MZF1: variants seen among roughly 807,000 people sequenced by gnomAD.
MZF1 encodes myeloid zinc finger 1.
In MZF1, 24 loss-of-function variants were observed where a neutral mutation model predicts 28.6. The observed-to-expected ratio is 0.84, with a 90% CI of 0.61 to 1.18. MZF1 has a LOEUF of 1.18. MZF1 is among the 50% of genes most tolerant of loss of function. MZF1 has a pLI of 0.00. For synonymous variants in MZF1, 516 were observed against 432.5 expected (o/e 1.19, Z -2.40); for missense variants, 1,166 against 1,026.4 (o/e 1.14, Z -1.86).
Position 58,563,498 on chromosome 19 carries a change from G to T in MZF1, c.779C>A (p.Ala260Glu). Residue 260 changes from alanine to glutamate, a missense_variant, in exon 6 of 6, where the codon GCG (alanine) becomes GAG (glutamate). Transcript: ENST00000215057. Reference protein sequence around the residue: ...EAGGIFSPGFALQLGSISAGP... With the variant: ...EAGGIFSPGFELQLGSISAGP... ...TGCGGAGATGCTGCCTAGCTGCAGC[G>T]CGAACCCTGCATACACAAGGGGACC... 6.5e-7 allele frequency: 1 copy of T among 1,541,016 alleles called. No individual in the cohort carries two copies. Among genetic ancestry groups the T allele is most frequent in the Non-Finnish European group, 8.8e-7 (1 of 1,139,836 alleles).
intron 3 of MZF1, 43 bp from the exon 4 acceptor site, chr19:58,569,629 A>T (rs990476509): frequency 6.7e-7 from 1 of 1,490,718 alleles, no homozygotes; most frequent in African/African-American, 1.4e-5. Context: ...GTGAGTTTCC[A>T]CCCCACTGCC....
At chr19:58,567,662 T>C (rs955446048) in intron 5 of MZF1, among the ~76,000 whole-genome samples, 1 of 152,204 alleles carries the variant, frequency 6.6e-6, no homozygotes, top group Non-Finnish European at 1.5e-5. Context: ...CTTGCTCACA[T>C]ACCCTAAGAA....
Position 58,562,154 on chromosome 19 carries a change from G to A in MZF1, c.2123C>T (p.Pro708Leu). 6.3e-7 allele frequency: 1 copy of A among 1,593,080 alleles called. No homozygotes were observed. Among genetic ancestry groups the A allele is most frequent in the Non-Finnish European group, 8.5e-7 (1 of 1,172,980 alleles). ...QHLRTHRREK[P>L]FACQDCGRRF... ...GCGGCCACAGTCCTGGCAGGCGAAG[G>A]GCTTCTCTCGTCGGTGGGTGCGCAG... is the stretch of plus-strand genomic sequence containing the variant. The change falls in exon 6 of 6, where the codon CCC (proline) becomes CTC (leucine). Residue 708 changes from proline to leucine, a missense_variant. By Grantham distance (98) the Pro-to-Leu change is moderately conservative (BLOSUM62 -3). Coordinates refer to ENST00000215057, the MANE Select transcript of MZF1 (RefSeq NM_198055.2).
In MZF1 at chr19:58,562,737, C is replaced by G. The variant is rs150590904; in HGVS notation, c.1540G>C (p.Gly514Arg). 534 of 1,536,222 alleles carry G rather than the reference C, an allele frequency of 3.5e-4. No individual in the cohort carries two copies. The highest frequency in any genetic ancestry group is 6.6e-4 in the South Asian group (56 of 84,356). ...AAGCGCTCGCCGCACTCGACGCAGC[C>G]AAAGGACTTGTCGCCCGTGTGTACC... ...QAVHTGDKSFGCVECGERFGR... is the reference protein window; with the variant it reads ...QAVHTGDKSFRCVECGERFGR... Residue 514 changes from glycine (G) to arginine (R), a missense_variant, in exon 6 of 6, where the codon GGC becomes CGC. Gly to Arg is a moderately radical substitution (Grantham distance 125). Coordinates refer to ENST00000215057, the MANE Select transcript of MZF1 (RefSeq NM_198055.2).
Position 58,569,268 on chromosome 19 carries a change from C to A in MZF1, c.772+9G>T. On this transcript the variant is annotated intron_variant, in intron 5 of 5. Transcript: ENST00000215057. ...AAGGCCTAGTCCCACCACACCCCAT[C>A]TCACTTACCTGGGGAGAAGATGCCC... The A allele has an allele frequency of 6.3e-7, 1 of 1,588,700 alleles. No homozygotes were observed. The highest frequency in any genetic ancestry group is 8.6e-7 in the Non-Finnish European group (1 of 1,168,530).
rs1464450434 is a variant in MZF1, at chr19:58,563,002, C to T, written c.1275G>A (p.Ala425=). The change falls in exon 6 of 6, where the codon GCG becomes GCA. Residue 425 remains alanine, a synonymous_variant. Transcript: ENST00000215057. The part of the protein sequence containing the change: ...GDCGQGFVRS[A]RLEEHRRVHT... ...GCACTCTCCGATGCTCTTCCAGGCGCGCGCTGCGCACGAAGCCCTGGCCAC... is the reference window on the plus strand; with the variant it reads ...GCACTCTCCGATGCTCTTCCAGGCGTGCGCTGCGCACGAAGCCCTGGCCAC... The T allele has an allele frequency of 6.2e-7, 1 of 1,601,956 alleles. No individual in the cohort carries two copies. The highest frequency in any genetic ancestry group is 8.5e-7 in the Non-Finnish European group (1 of 1,179,664).
At chr19:58,569,652 G>GCCC in intron 3 of MZF1, 66 bp from the exon 4 acceptor site, 7 of 1,362,560 alleles carry the variant, frequency 5.1e-6, no homozygotes, top group Non-Finnish European at 7.1e-6. Context: ...TCTTAGTGGT[G>GCCC]TGCCAGGTGC....
rs150736660 is a variant in MZF1 at position 58,572,179 on chromosome 19, C to T, written c.-40-750G>A. Among the ~76,000 whole-genome samples, 1,031 of 152,290 alleles carry T rather than the reference C, an allele frequency of 6.8e-3. 8 individuals are homozygous for T. The highest frequency in any genetic ancestry group is 0.023 in the African/African-American group (969 of 41,540). On this transcript the variant is annotated intron_variant, in intron 1 of 5. Transcript: ENST00000215057. ...CTTACTTCACCTTCTATTCTCTCAT[C>T]TACTTCGATGTGGCTCCTCATTTGG...
chr19:58,569,701 G>C (rs892961952), intron 3 of MZF1, 115 bp from the exon 4 acceptor site: 5 of 898,758 alleles, frequency 5.6e-6, no homozygotes, highest in Non-Finnish European at 8.4e-6. Flanking sequence ...TGTGGGCTTG[G>C]GTTGGGGAGG....
rs1387503939 is a variant in MZF1, at chr19:58,570,521, C to T, written c.403G>A (p.Val135Ile). The T allele has an allele frequency of 3.1e-6, 5 of 1,612,040 alleles. No homozygotes were observed. Among genetic ancestry groups the T allele is most frequent in the South Asian group, 1.1e-5 (1 of 90,954 alleles). The change falls in exon 3 of 6, where the codon GTC (valine) becomes ATC (isoleucine). Residue 135 changes from valine (V) to isoleucine (I), a missense_variant. By Grantham distance (29) the Val-to-Ile change is conservative (BLOSUM62 3). Transcript: ENST00000215057. ...AGGACCTCCTGGCCCTGCACCTGGACTGTGACCTGGGGAGGTGCCCCCACC... is the reference window on the plus strand; with the variant it reads ...AGGACCTCCTGGCCCTGCACCTGGATTGTGACCTGGGGAGGTGCCCCCACC... ...EPGGPRRWVT[V>I]QVQGQEVLSE...
chr19:58,563,525 T>G (rs2053980448), intron 5 of MZF1, 21 bp from the exon 6 acceptor site: 2 of 1,502,232 alleles, frequency 1.3e-6, no homozygotes, highest in Non-Finnish European at 1.8e-6. Context: ...AAGGGGACCA[T>G]TCATTCATGA....
chr19:58,563,625 G>T, intron 5 of MZF1, 121 bp from the exon 6 acceptor site: 1 of 754,430 alleles, frequency 1.3e-6, no homozygotes, highest in Non-Finnish European at 2.1e-6. Flanking sequence ...GGCAGACGGA[G>T]GCGACAAATG....
chr19:58,572,494 T>C (rs925396696), intron 1 of MZF1: 40 of 1,230,120 alleles, frequency 3.3e-5, no homozygotes, highest in Non-Finnish European at 4.2e-5. Flanking sequence ...ATTCCGCCCA[T>C]CTTCAGATCA....
At position 58,571,143 on chromosome 19, in the gene MZF1, T is replaced by C. The variant is rs779742337; in HGVS notation, c.247A>G (p.Met83Val). The change falls in exon 2 of 6, where the codon ATG (methionine) becomes GTG (valine). Residue 83 changes from methionine to valine, a missense_variant. Transcript: ENST00000215057. Reference protein sequence around the residue: ...LRPEVRSKEQMLELLVLEQFL... With the variant: ...LRPEVRSKEQVLELLVLEQFL... ...TGCTCCAGCACCAACAGCTCCAGCA[T>C]CTGCTCCTTGGAGCGTACCTCTGGA... 1.3e-5 allele frequency: 21 copies of C among 1,614,010 alleles called. No individual in the cohort carries two copies. The South Asian group carries it at 1.9e-4, about 14-fold the overall frequency.
chr19:58,562,301 C>G lies in MZF1; in HGVS notation c.1976G>C (p.Gly659Ala), dbSNP rs374723544. Residue 659 changes from glycine (G) to alanine (A), a missense_variant, in exon 6 of 6, where the codon GGC (glycine) becomes GCC (alanine). By Grantham distance (60) the Gly-to-Ala change is moderately conservative. Transcript: ENST00000215057. ...GERPFACPEC[G>A]QSFRQHANLT... is the part of the protein sequence containing the mutation. ...GTTGGCGTGCTGCCGAAAGCTCTGG[C>G]CGCACTCGGGGCAGGCGAAGGGCCG... The G allele has an allele frequency of 1.2e-6, 2 of 1,609,962 alleles. No homozygotes were observed. The highest frequency in any genetic ancestry group is 3.4e-5 in the Admixed American group (2 of 59,694).
Position 58,571,085 on chromosome 19 carries a change from G to T in MZF1, c.305C>A (p.Ala102Asp), listed in dbSNP as rs771567748. The stretch of plus-strand genomic sequence containing the variant: ...GCCTGGCCGCTGCCCCTGCACACGG[G>T]CCTGGATCTCAGGGGGCAGTGCGCC... ...FLGALPPEIQARVQGQRPGSP... is the reference protein window; with the variant it reads ...FLGALPPEIQDRVQGQRPGSP... The change falls in exon 2 of 6, where the codon GCC (alanine) becomes GAC (aspartate). Residue 102 changes from alanine to aspartate, a missense_variant. Ala to Asp is a moderately radical substitution (Grantham distance 126). Transcript: ENST00000215057. The T allele has an allele frequency of 1.9e-6, 3 of 1,613,750 alleles. No homozygotes were observed. The East Asian group carries it at 6.7e-5, about 36-fold the overall frequency.
Position 58,571,111 on chromosome 19 carries a change from C to G in MZF1, c.279G>C (p.Leu93=), listed in dbSNP as rs750434220. 1.1e-5 allele frequency: 17 copies of G among 1,613,998 alleles called. No individual in the cohort carries two copies. Among genetic ancestry groups the G allele is most frequent in the Non-Finnish European group, 1.2e-5 (14 of 1,180,012 alleles). ...MLELLVLEQF[L]GALPPEIQAR... Reference sequence around the variant, plus strand: ...CCTGGATCTCAGGGGGCAGTGCGCCCAGGAACTGCTCCAGCACCAACAGCT... The same window carrying G: ...CCTGGATCTCAGGGGGCAGTGCGCCGAGGAACTGCTCCAGCACCAACAGCT... Residue 93 remains leucine (L), a synonymous_variant, in exon 2 of 6, where the codon CTG becomes CTC. Transcript: ENST00000215057.
At chr19:58,569,485 G>A (rs1344882367) in intron 4 of MZF1, 31 bp downstream of exon 4, 7 of 1,613,104 alleles carry the variant, frequency 4.3e-6, no homozygotes, top group Non-Finnish European at 5.9e-6. Context: ...TCCAGGGAAA[G>A]GAGGAGAACA....
intron 3 of MZF1, 153 bp downstream of exon 3, chr19:58,570,191 G>T (rs1157396477): frequency 1.3e-6 from 1 of 785,134 alleles, no homozygotes; most frequent in Non-Finnish European, 2.0e-6. Flanking sequence ...GTGGAGGGGA[G>T]ACCTGACTGG....
Sources: gnomAD v4.1 joint callset for allele counts (sites outside exome capture counted in the v4.1 genomes callset) on GRCh38, gnomAD v4.1.1 for gene constraint, MANE v1.5 for transcripts, NCBI Gene and HGNC (gene_info 2026-07-23, HGNC 2026-07-21) for gene names.